Variants in LRIT3 observed in about 807,000 individuals in gnomAD.
The protein encoded by LRIT3 is leucine rich repeat, Ig-like and transmembrane domains 3, also known as leucine-rich repeat, immunoglobulin-like domain and transmembrane domain-containing protein 3.
Under a neutral mutation model 22.6 loss-of-function variants are expected in LRIT3, and 14 were observed. The observed-to-expected ratio is 0.62, with a 90% confidence interval of 0.41 to 0.97. The LOEUF (loss-of-function observed/expected upper bound fraction) is 0.97. LRIT3 is among the 50% of genes least tolerant of loss of function. LRIT3 has a pLI of 0.00. For synonymous variants in LRIT3, 306 were observed against 304.5 expected (o/e 1.01, Z -0.05); for missense variants, 783 against 803.0 (o/e 0.98, Z 0.30).
chr4:109,850,149 A>G (rs886303277), intron 1 of LRIT3, among the ~76,000 whole-genome samples: 1 of 152,210 alleles, frequency 6.6e-6, no homozygotes, highest in Admixed American at 6.5e-5. Context: ...TTAATGTCAT[A>G]TGTTTCACTA....
intron 3 of LRIT3, 84 bp downstream of exon 3, chr4:109,868,030 C>A: frequency 7.6e-7 from 1 of 1,310,532 alleles, no homozygotes; most frequent in Non-Finnish European, 1.0e-6. Flanking sequence ...TTGAAATTAG[C>A]TAGTTAACAC....
chr4:109,850,422 C>CCTTCCTTCTTTCTTTCTTT (rs66553123), intron 1 of LRIT3, among the ~76,000 whole-genome samples: 1,206 of 55,094 alleles, frequency 0.022, 207 homozygotes, highest in Middle Eastern at 0.059. Context: ...TTCCTTCCTT[C>CCTTCCTTCTTTCTTTCTTT]CTTTCTTTCT....
At position 109,870,067 on chromosome 4, in the gene LRIT3, C is replaced by T. The variant is rs397509378; in HGVS notation, c.1318C>T (p.Arg440Ter). ...ISASTTMANK[R>*]SFQLHQGGKR... is the part of the protein sequence containing the mutation. ...AGCAAGTACCACCATGGCCAACAAG[C>T]GATCATTCCAGCTCCACCAAGGTGG... The change falls in exon 4 of 4, where the codon CGA becomes TGA. Residue 440 changes from arginine (R) to a stop codon, truncating the protein, a stop_gained. Transcript: ENST00000594814. LOFTEE classifies it low-confidence loss of function (END_TRUNC). 1.2e-5 allele frequency: 20 copies of T among 1,614,114 alleles called. No homozygotes were observed. The Admixed American group carries it at 1.7e-4, about 13-fold the overall frequency.
rs1172641342 is a variant in LRIT3 at position 109,852,099 on chromosome 4, A to T, written c.589+123A>T. 5.9e-6 allele frequency: 5 copies of T among 845,642 alleles called. No homozygotes were observed. The Admixed American group carries it at 1.2e-4, about 20-fold the overall frequency. The allele number at this position is 845,642 out of a possible 1,614,324, so 52.4% of individuals were successfully genotyped here. On this transcript the variant is annotated intron_variant, in intron 2 of 3. Coordinates refer to ENST00000594814, the MANE Select transcript of LRIT3 (RefSeq NM_198506.5). ...ACTCTGTAATTGCACTTTTACTGGA[A>T]TAGTACCTTATTAGTTAACCTAGGT... is the stretch of plus-strand genomic sequence containing the variant.
At chr4:109,857,295 G>A (rs963944952) in intron 2 of LRIT3, among the ~76,000 whole-genome samples, 22 of 150,630 alleles carry the variant, frequency 1.5e-4, no homozygotes, top group Admixed American at 6.6e-4. Context: ...TAGGTTGTAT[G>A]AGAGGTGGCA....
chr4:109,866,805 G>A (rs973170406), intron 2 of LRIT3, among the ~76,000 whole-genome samples: 6 of 152,128 alleles, frequency 3.9e-5, no homozygotes, highest in African/African-American at 1.4e-4. Flanking sequence ...AGGCCCAAAG[G>A]CTTCTGCTAA....
intron 2 of LRIT3, among the ~76,000 whole-genome samples, chr4:109,856,171 G>C (rs186684783): frequency 6.6e-6 from 1 of 152,132 alleles, no homozygotes; most frequent in Non-Finnish European, 1.5e-5. Flanking sequence ...CATTCTGGCA[G>C]TCCAACCTGG....
chr4:109,860,157 C>T (rs1177734935), intron 2 of LRIT3, among the ~76,000 whole-genome samples: 4 of 152,150 alleles, frequency 2.6e-5, no homozygotes, highest in African/African-American at 9.7e-5. Context: ...TTCTGTAAGT[C>T]CTGACACTGT....
intron 2 of LRIT3, among the ~76,000 whole-genome samples, chr4:109,853,943 A>G (rs146174198): frequency 0.03 from 4,600 of 152,176 alleles, 224 homozygotes; most frequent in African/African-American, 0.1. Flanking sequence ...CCATTTGTCT[A>G]TATATCTGTT....
At chr4:109,867,494 A>G in intron 2 of LRIT3, 147 bp from the exon 3 acceptor site, 3 of 684,452 alleles carry the variant, frequency 4.4e-6, no homozygotes, top group Non-Finnish European at 7.4e-6. Context: ...TTGCAGAGCA[A>G]AACTGACATA....
chr4:109,870,904 G>T lies in LRIT3; in HGVS notation c.*115G>T. 2 of 1,067,204 alleles carry T rather than the reference G, an allele frequency of 1.9e-6. No individual in the cohort carries two copies. 66.1% of individuals were successfully genotyped at this position (1,067,204 alleles called of 1,614,324 possible). ...CACATTGTACATGAAAATCACAAAT[G>T]GAATGCTTTTAAGTATGTTTAAAAA... On this transcript the variant is annotated 3_prime_UTR_variant, in exon 4 of 4. Coordinates refer to ENST00000594814, the MANE Select transcript of LRIT3 (RefSeq NM_198506.5).
chr4:109,866,778 A>G (rs773333526), intron 2 of LRIT3, among the ~76,000 whole-genome samples: 5 of 152,128 alleles, frequency 3.3e-5, no homozygotes, highest in Non-Finnish European at 5.9e-5. Context: ...TCAAGCCCTC[A>G]CTGATAGCCT....
At chr4:109,853,428 GTTGT>G (rs1560590306) in intron 2 of LRIT3, among the ~76,000 whole-genome samples, 1 of 152,044 alleles carries the variant, frequency 6.6e-6, no homozygotes, top group Non-Finnish European at 1.5e-5. Flanking sequence ...TTTTGATGGA[GTTGT>G]TTGTTTTTCT....
Position 109,851,534 on chromosome 4 carries a change from C to T in LRIT3, c.147C>T (p.Asn49=), listed in dbSNP as rs1327054226. Residue 49 remains asparagine (N), a synonymous_variant, in exon 2 of 4, where the codon AAC becomes AAT. Coordinates refer to ENST00000594814, the MANE Select transcript of LRIT3 (RefSeq NM_198506.5). ...TGCTATGTAATGACATGGATATGAA[C>T]GAGCTGCCTACGAACCTCCCCGTGG... ...RLVLCNDMDM[N]ELPTNLPVDT... 20 of 1,548,004 alleles carry T rather than the reference C, an allele frequency of 1.3e-5. No individual in the cohort carries two copies. The highest frequency in any genetic ancestry group is 7.2e-5 in the South Asian group (6 of 83,726).
At chr4:109,865,029 CT>C in intron 2 of LRIT3, 1 of 1,387,910 alleles carries the variant, frequency 7.2e-7, no homozygotes. Context: ...TATTCTTCTG[CT>C]TTTTACTGAG....
chr4:109,850,256 A>G (rs1446873588), intron 1 of LRIT3, among the ~76,000 whole-genome samples: 1 of 152,176 alleles, frequency 6.6e-6, no homozygotes, highest in Non-Finnish European at 1.5e-5. Flanking sequence ...TTCATAATTC[A>G]GATGAGTATC....
intron 2 of LRIT3, 85 bp from the exon 3 acceptor site, chr4:109,867,556 G>A: frequency 7.9e-7 from 1 of 1,259,852 alleles, no homozygotes; most frequent in Non-Finnish European, 1.1e-6. Flanking sequence ...GGGAGACAGT[G>A]TAGATCCCTA....
chr4:109,864,925 A>T (rs903181752), intron 2 of LRIT3, among the ~76,000 whole-genome samples: 1 of 152,228 alleles, frequency 6.6e-6, no homozygotes, highest in African/African-American at 2.4e-5. Flanking sequence ...TGAAAGATTT[A>T]AAAATAGCAC....
chr4:109,870,041 C>G lies in LRIT3; in HGVS notation c.1292C>G (p.Ser431Ter). The change falls in exon 4 of 4, where the codon TCA becomes TGA. Residue 431 changes from serine to a stop codon, truncating the protein, a stop_gained. Coordinates refer to ENST00000594814, the MANE Select transcript of LRIT3 (RefSeq NM_198506.5). LOFTEE classifies it low-confidence loss of function (END_TRUNC). Reference sequence around the variant, plus strand: ...ACCACAACTCTGAGCACAAGCATCTCAGCAAGTACCACCATGGCCAACAAG... The same window carrying G: ...ACCACAACTCTGAGCACAAGCATCTGAGCAAGTACCACCATGGCCAACAAG... ...SSTTTLSTSI[S>*]ASTTMANKRS... The G allele has an allele frequency of 6.2e-7, 1 of 1,614,206 alleles. No homozygotes were observed. The highest frequency in any genetic ancestry group is 8.5e-7 in the Non-Finnish European group (1 of 1,180,024).
Sources: gnomAD v4.1 joint callset for allele counts (sites outside exome capture counted in the v4.1 genomes callset) on GRCh38, gnomAD v4.1.1 for gene constraint, MANE v1.5 for transcripts, NCBI Gene and HGNC (gene_info 2026-07-23, HGNC 2026-07-21) for gene names.